Variants in RUFY2 observed in about 807,000 individuals in gnomAD.
RUFY2 encodes the protein RUN and FYVE domain-containing protein 2.
RUFY2 carries 49 observed loss-of-function variants against 94.4 expected under a neutral mutation model. The ratio of observed to expected loss-of-function variants is 0.52; its 90% confidence interval spans 0.41 to 0.66. The LOEUF (loss-of-function observed/expected upper bound fraction) is 0.66, where lower values mean the gene tolerates loss of function less well. Among genes scored for constraint, RUFY2 ranks in the 30% least tolerant of loss-of-function variants. RUFY2 has a pLI of 0.00. For synonymous variants in RUFY2, 255 were observed against 235.7 expected (o/e 1.08, Z -0.75); for missense variants, 541 against 692.8 (o/e 0.78, Z 2.46).
In RUFY2 at chr10:68,345,612, T is replaced by C; in HGVS notation, c.*156A>G. On this transcript the variant is annotated 3_prime_UTR_variant, in exon 18 of 18. Transcript: ENST00000602465. ...GAAAAACAATGGGGAAGGAAATATA[T>C]AACTTGTAATTTCCATGAGCTGAAT... 1 of 590,000 alleles carries C rather than the reference T, an allele frequency of 1.7e-6. No individual in the cohort carries two copies. Among genetic ancestry groups the C allele is most frequent in the Non-Finnish European group, 2.9e-6 (1 of 344,812 alleles). The allele number at this position is 590,000 out of a possible 1,614,324, so 36.5% of individuals were successfully genotyped here.
downstream of RUFY2, chr10:68,343,079 T>C (rs2046061042): frequency 6.6e-6 from 1 of 152,234 alleles, no homozygotes. Context: ...ATATGGCTTT[T>C]TTCCAAATTG....
chr10:68,406,624 G>A (rs567102728), intron 1 of RUFY2: 3 of 859,166 alleles, frequency 3.5e-6, no homozygotes, highest in East Asian at 6.3e-5. Flanking sequence ...GGCGCGCAAG[G>A]AGTACCAGGG....
chr10:68,362,281 C>T (rs1260017448), intron 15 of RUFY2, among the ~76,000 whole-genome samples: 1 of 152,118 alleles, frequency 6.6e-6, no homozygotes, highest in Non-Finnish European at 1.5e-5. Flanking sequence ...TGAGCTGTGC[C>T]TGCGTCACTG....
At chr10:68,341,392 T>G, downstream of RUFY2, 1 of 1,400,820 alleles carries the variant, frequency 7.1e-7, no homozygotes, top group Admixed American at 2.2e-5. Flanking sequence ...TAGGTAACGC[T>G]TGGCAGTTGT....
At chr10:68,392,573 G>A (rs1393908528) in intron 7 of RUFY2, among the ~76,000 whole-genome samples, 1 of 151,778 alleles carries the variant, frequency 6.6e-6, no homozygotes, top group Non-Finnish European at 1.5e-5. Context: ...TTTTGTCAAG[G>A]GTACAGCAAT....
intron 13 of RUFY2, among the ~76,000 whole-genome samples, chr10:68,366,330 CAAAAA>C (rs374353912): frequency 1.8e-5 from 1 of 55,440 alleles, no homozygotes; most frequent in African/African-American, 7.6e-5. Flanking sequence ...AACTCCATCT[CAAAAA>C]AAAAAAAAAA....
chr10:68,360,445 A>T (rs930788104), intron 15 of RUFY2, among the ~76,000 whole-genome samples: 9 of 151,156 alleles, frequency 6.0e-5, no homozygotes, highest in South Asian at 2.1e-4. Flanking sequence ...TAATTTTTTT[A>T]AAAAAATAAT....
chr10:68,404,209 C>T (rs1232555039), intron 2 of RUFY2, among the ~76,000 whole-genome samples: 1 of 152,174 alleles, frequency 6.6e-6, no homozygotes. Flanking sequence ...CTGTTATCAT[C>T]TTCAGGGATG....
intron 16 of RUFY2, among the ~76,000 whole-genome samples, chr10:68,351,122 ATTTTTTTT>A (rs71009048): frequency 1.3e-5 from 1 of 79,000 alleles, no homozygotes; most frequent in Admixed American, 2.2e-4. Context: ...GTATCCATAC[ATTTTTTTT>A]TTTTTTTTTT....
chr10:68,363,812 GCT>G (rs2047625375), intron 14 of RUFY2, 128 bp from the exon 15 acceptor site: 1 of 834,686 alleles, frequency 1.2e-6, no homozygotes, highest in Non-Finnish European at 1.8e-6. Context: ...TGTGTCCAAA[GCT>G]CTTTCCTAGC....
chr10:68,392,005 G>A (rs957515934), intron 7 of RUFY2, among the ~76,000 whole-genome samples: 1 of 151,244 alleles, frequency 6.6e-6, no homozygotes, highest in Non-Finnish European at 1.5e-5. Context: ...AAAAAACTAT[G>A]CATCTCATAT....
intron 3 of RUFY2, among the ~76,000 whole-genome samples, chr10:68,398,545 G>T (rs943697751): frequency 2.0e-5 from 3 of 151,794 alleles, no homozygotes; most frequent in Non-Finnish European, 2.9e-5. Context: ...CCAGCTACTC[G>T]AGAGGCGGAG....
At chr10:68,369,977 T>C (rs770129216) in intron 13 of RUFY2, among the ~76,000 whole-genome samples, 5 of 150,156 alleles carry the variant, frequency 3.3e-5, no homozygotes, top group African/African-American at 7.4e-5. Flanking sequence ...TATTCAGTTA[T>C]ATTAATAGAA....
intron 3 of RUFY2, among the ~76,000 whole-genome samples, chr10:68,398,051 C>T (rs990220290): frequency 7.6e-5 from 11 of 144,932 alleles, no homozygotes; most frequent in Admixed American, 1.5e-4. Context: ...CACTGGAACC[C>T]GGGAGGCGGA....
intron 10 of RUFY2, among the ~76,000 whole-genome samples, chr10:68,382,365 T>G (rs1404910054): frequency 6.6e-6 from 1 of 151,934 alleles, no homozygotes; most frequent in East Asian, 1.9e-4. Flanking sequence ...CAACACAGTT[T>G]AATTTCTTAA....
intron 13 of RUFY2, among the ~76,000 whole-genome samples, chr10:68,372,029 A>T (rs970543851): frequency 6.6e-6 from 1 of 152,146 alleles, no homozygotes; most frequent in Non-Finnish European, 1.5e-5. Context: ...GGTGGCTCAC[A>T]CCTGTAATCC....
intron 16 of RUFY2, among the ~76,000 whole-genome samples, chr10:68,350,723 T>C (rs1284355597): frequency 6.6e-6 from 1 of 151,980 alleles, no homozygotes; most frequent in Admixed American, 6.6e-5. Flanking sequence ...TTTTTGGTTT[T>C]TTTTTTGGAG....
intron 7 of RUFY2, among the ~76,000 whole-genome samples, chr10:68,389,059 AT>A (rs923665184): frequency 6.6e-6 from 1 of 151,406 alleles, no homozygotes; most frequent in Non-Finnish European, 1.5e-5. Flanking sequence ...TGACCAGCTA[AT>A]TTTTTGTACT....
At chr10:68,371,018 G>C (rs1223586604) in intron 13 of RUFY2, among the ~76,000 whole-genome samples, 1 of 151,766 alleles carries the variant, frequency 6.6e-6, no homozygotes, top group Non-Finnish European at 1.5e-5. Context: ...TGTAGTCCCA[G>C]CTACTCGGGA....
Sources: gnomAD v4.1 joint callset for allele counts (sites outside exome capture counted in the v4.1 genomes callset) on GRCh38, gnomAD v4.1.1 for gene constraint, MANE v1.5 for transcripts, NCBI Gene and HGNC (gene_info 2026-07-23, HGNC 2026-07-21) for gene names.